Variants in VRTN observed in about 807,000 individuals in gnomAD.
The protein encoded by VRTN is vertnin.
Under a neutral mutation model 18.2 loss-of-function variants are expected in VRTN, and 5 were observed. The observed-to-expected ratio is 0.27, with a 90% confidence interval of 0.14 to 0.58. The LOEUF is 0.58. Among genes scored for constraint, VRTN ranks in the 20% least tolerant of loss-of-function variants. The probability of loss-of-function intolerance (pLI) is 0.91; values close to 1 mark genes in which losing one functional copy is unlikely to be tolerated. For synonymous variants in VRTN, 381 were observed against 393.7 expected (o/e 0.97, Z 0.38); for missense variants, 741 against 939.4 (o/e 0.79, Z 2.76).
chr14:74,357,167 G>A lies in VRTN; in HGVS notation c.384G>A (p.Val128=). The A allele has an allele frequency of 6.3e-7, 1 of 1,599,668 alleles. No individual in the cohort carries two copies. The highest frequency in any genetic ancestry group is 8.5e-7 in the Non-Finnish European group (1 of 1,173,096). Residue 128 remains valine (V), a synonymous_variant, in exon 2 of 2, where the codon GTG becomes GTA. Transcript: ENST00000256362. This position sits in a 1 kb window ranked among gnomAD's most constrained non-coding sequence, Gnocchi z 7.8. ...YYLQGMIDSK[V]MLQAVRYSLC... ...TCCAGGGCATGATCGACTCCAAAGT[G>A]ATGCTGCAGGCCGTGCGCTACTCCC...
intron 1 of VRTN, among the ~76,000 whole-genome samples, chr14:74,324,288 T>G (rs1172993610): frequency 2.0e-5 from 3 of 147,384 alleles, no homozygotes; most frequent in Non-Finnish European, 4.4e-5. Flanking sequence ...CTCGGGAGGC[T>G]GAGGCAGGAG....
intron 2 of VRTN, among the ~76,000 whole-genome samples, chr14:74,340,206 A>G (rs573829484): frequency 1.8e-3 from 259 of 146,552 alleles, no homozygotes; most frequent in Middle Eastern, 7.9e-3. Flanking sequence ...TCCGCCTCCC[A>G]GGTTCAAGCG....
intron 1 of VRTN, among the ~76,000 whole-genome samples, chr14:74,325,355 G>A (rs1458524228): frequency 2.0e-5 from 3 of 151,928 alleles, no homozygotes; most frequent in Admixed American, 1.3e-4. Flanking sequence ...GAGAAACCAA[G>A]AGAAAAAAAT....
In VRTN at chr14:74,316,722, C is replaced by T. The variant is rs992488306; in HGVS notation, c.-164+13546C>T. ...CGTGATCTCGGCTCACTGCAATCTC[C>T]GCCTCCCGGGTTCACGCCATTCTCC... On this transcript the variant is annotated intron_variant, in intron 1 of 2. Coordinates refer to the VRTN transcript ENST00000557177. Among the ~76,000 whole-genome samples the T allele has an allele frequency of 4.7e-5, 7 of 149,860 alleles. No homozygotes were observed. The South Asian group carries it at 1.1e-3, about 23-fold the overall frequency.
chr14:74,343,066 A>T (rs1710080473), intron 2 of VRTN, among the ~76,000 whole-genome samples: 1 of 152,236 alleles, frequency 6.6e-6, no homozygotes, highest in African/African-American at 2.4e-5. Context: ...TTTTCTGATA[A>T]CACATTATAC....
intron 2 of VRTN, among the ~76,000 whole-genome samples, chr14:74,338,185 A>C (rs1285012032): frequency 6.6e-6 from 1 of 152,182 alleles, no homozygotes; most frequent in Non-Finnish European, 1.5e-5. Context: ...CTCCTAACAA[A>C]TTTAACATTA....
At chr14:74,310,417 G>A (rs1457966434) in intron 1 of VRTN, among the ~76,000 whole-genome samples, 3 of 147,224 alleles carry the variant, frequency 2.0e-5, no homozygotes, top group Admixed American at 6.8e-5. Context: ...AAAAAAAAAA[G>A]GAGAAGTAGC....
chr14:74,340,827 T>G (rs988838212), intron 2 of VRTN, among the ~76,000 whole-genome samples: 1 of 152,226 alleles, frequency 6.6e-6, no homozygotes, highest in African/African-American at 2.4e-5. Context: ...CTCAGCTCAC[T>G]GCAGCCTCTG....
chr14:74,321,551 G>A (rs1262894815), intron 1 of VRTN, among the ~76,000 whole-genome samples: 3 of 149,834 alleles, frequency 2.0e-5, no homozygotes, highest in African/African-American at 7.5e-5. Flanking sequence ...TGTTGCCCAG[G>A]CTGGAGTGCA....
intron 1 of VRTN, among the ~76,000 whole-genome samples, chr14:74,329,994 C>T (rs1000727812): frequency 4.2e-4 from 64 of 151,864 alleles, no homozygotes; most frequent in African/African-American, 1.4e-3. Flanking sequence ...ATCTCAGTCT[C>T]CTGAGTAGCT....
upstream of VRTN, among the ~76,000 whole-genome samples, chr14:74,344,373 G>A (rs142570812): frequency 5.3e-5 from 7 of 132,872 alleles, no homozygotes; most frequent in African/African-American, 1.8e-4. Flanking sequence ...TCATGCCAGT[G>A]TACTCCAGCC....
At chr14:74,350,592 A>G (rs1435543837) in intron 1 of VRTN, among the ~76,000 whole-genome samples, 2 of 152,186 alleles carry the variant, frequency 1.3e-5, no homozygotes, top group Non-Finnish European at 2.9e-5. Flanking sequence ...TCCATTGGAT[A>G]ATGAGAATTT....
chr14:74,340,187 A>G (rs551104626), intron 2 of VRTN, among the ~76,000 whole-genome samples: 1 of 146,914 alleles, frequency 6.8e-6, no homozygotes, highest in East Asian at 2.0e-4. Context: ...ATCTCAGCTC[A>G]CCGCAACCTC....
chr14:74,344,749 G>GAAAAAAAAAAAAAAAAAAAAAAAAA (rs1323636061), upstream of VRTN, among the ~76,000 whole-genome samples: 3 of 31,460 alleles, frequency 9.5e-5, no homozygotes, highest in African/African-American at 5.5e-4. Context: ...AAAAAAAAAT[G>GAAAAAAAAAAAAAAAAAAAAAAAAA]AAAAAAAGAA....
rs1283256009 is a variant in VRTN at position 74,357,714 on chromosome 14, G to A, written c.931G>A (p.Ala311Thr). ...RQSQEHRQKV[A>T]ARFSAKHFLQ... is the part of the protein sequence containing the mutation. ...GTCCCAGGAGCACCGGCAGAAGGTT[G>A]CTGCCCGCTTCTCCGCCAAGCACTT... Residue 311 changes from alanine (A) to threonine (T), a missense_variant, in exon 2 of 2, where the codon GCT becomes ACT. By Grantham distance (58) the Ala-to-Thr change is moderately conservative. This residue lies in a region of VRTN where 494 missense variants were observed against 546.5 expected (regional missense o/e 0.90). Transcript: ENST00000256362. This position sits in a 1 kb window ranked among gnomAD's most constrained non-coding sequence, Gnocchi z 7.8. 5 of 1,613,408 alleles carry A rather than the reference G, an allele frequency of 3.1e-6. No homozygotes were observed. The highest frequency in any genetic ancestry group is 4.2e-6 in the Non-Finnish European group (5 of 1,180,032).
rs1286884519 is a variant in VRTN at position 74,357,383 on chromosome 14, C to G, written c.600C>G (p.Pro200=). Residue 200 remains proline (P), a synonymous_variant, in exon 2 of 2, where the codon CCC becomes CCG. Transcript: ENST00000256362. The surrounding 1 kb of genome is among the most constrained non-coding windows in gnomAD (Gnocchi z 7.8). ...CCATGCGCAACCTCAAGATCCGGCC[C>G]TACTTCAACCGTGTCATCCGGCCCC... The part of the protein sequence containing the change: ...IYPMRNLKIR[P]YFNRVIRPRR... The G allele has an allele frequency of 1.2e-6, 2 of 1,613,676 alleles. No individual in the cohort carries two copies. Among genetic ancestry groups the G allele is most frequent in the Admixed American group, 1.7e-5 (1 of 60,012 alleles).
chr14:74,342,367 G>T (rs1365903696), intron 2 of VRTN, among the ~76,000 whole-genome samples: 3 of 152,116 alleles, frequency 2.0e-5, no homozygotes, highest in African/African-American at 7.2e-5. Context: ...ACCAAGGACT[G>T]TCTTAATATA....
upstream of VRTN, among the ~76,000 whole-genome samples, chr14:74,345,388 A>G (rs990808165): frequency 5.0e-5 from 6 of 120,420 alleles, no homozygotes; most frequent in Non-Finnish European, 9.7e-5. Context: ...GTTTCACTCT[A>G]TCGCCCAGGC....
intron 1 of VRTN, among the ~76,000 whole-genome samples, chr14:74,350,471 C>T (rs1464576537): frequency 6.6e-6 from 1 of 152,104 alleles, no homozygotes; most frequent in Non-Finnish European, 1.5e-5. Context: ...GGTATCTGGA[C>T]ACTGCTGCAT....
Sources: gnomAD v4.1 joint callset for allele counts (sites outside exome capture counted in the v4.1 genomes callset) on GRCh38, gnomAD v4.1.1 for gene constraint, gnomAD v4.1.1 regional missense constraint, Gnocchi (gnomAD v3.1) non-coding constraint, MANE v1.5 for transcripts, NCBI Gene and HGNC (gene_info 2026-07-23, HGNC 2026-07-21) for gene names.